The following CHD1L variants were observed in gnomAD, a reference collection of about 807,000 sequenced individuals.
CHD1L encodes chromodomain helicase DNA binding protein 1 like.
In CHD1L, 118 loss-of-function variants were observed where a neutral mutation model predicts 115.9. The observed-to-expected ratio is 1.02, with a 90% confidence interval of 0.88 to 1.19. CHD1L has a LOEUF of 1.19. Ranked by LOEUF, CHD1L falls within the 50% of genes most tolerant of loss-of-function variation. The probability of loss-of-function intolerance (pLI) is 0.00; values close to 1 mark genes in which losing one functional copy is unlikely to be tolerated. For missense variants in CHD1L, 1,179 were observed against 1,065.3 expected, an observed-to-expected ratio of 1.11 and a Z score of -1.49; for synonymous variants, 411 against 387.1, an observed-to-expected ratio of 1.06 and a Z score of -0.72.
At chr1:147,185,088 C>G in the CHD1L span, among the ~76,000 whole-genome samples, 1 of 152,044 alleles carries the variant, frequency 6.6e-6, no homozygotes, top group African/African-American at 2.4e-5. Flanking sequence ...TTATCAGTAA[C>G]AAGAGCTTTG....
the CHD1L span, among the ~76,000 whole-genome samples, chr1:147,181,499 G>T: frequency 6.6e-6 from 1 of 152,188 alleles, no homozygotes; most frequent in African/African-American, 2.4e-5. Flanking sequence ...TTAGCTGACT[G>T]TGAGGAAAGG....
At chr1:147,225,752 G>A in the CHD1L span, 1 of 152,226 alleles carries the variant, frequency 6.6e-6, no homozygotes, top group Non-Finnish European at 1.5e-5. Context: ...TGTTCAAACA[G>A]ATTGTAGCAG....
Position 147,242,810 on chromosome 1 carries a change from T to TA in CHD1L, c.108dup (p.Arg37ThrfsTer36), listed in dbSNP as rs1665143447. 6 of 1,277,956 alleles carry TA rather than the reference T, an allele frequency of 4.7e-6. No homozygotes were observed. The highest frequency in any genetic ancestry group is 2.9e-5 in the East Asian group (1 of 34,018). The allele number at this position is 1,277,956 out of a possible 1,614,324, so 79.2% of individuals were successfully genotyped here. ...GCGGCGCGGGTGCAGGAGCAGGACT[T>TA]ACGGCAGTGGGGGCTGACAGGTGAG... On this transcript the variant is annotated frameshift_variant, in exon 1 of 23. Transcript: ENST00000369258. LOFTEE classifies it high-confidence loss of function.
the CHD1L span, chr1:147,190,340 G>T: frequency 1.3e-6 from 1 of 797,120 alleles, no homozygotes; most frequent in Non-Finnish European, 2.0e-6. Flanking sequence ...AGAATTCAAA[G>T]AAATACAGGG....
the CHD1L span, among the ~76,000 whole-genome samples, chr1:147,209,377 G>T: frequency 1.3e-5 from 2 of 148,786 alleles, no homozygotes; most frequent in African/African-American, 5.0e-5. Context: ...GGCGGAGCTT[G>T]CAGTGAGCCA....
At chr1:147,190,512 A>C in the CHD1L span, among the ~76,000 whole-genome samples, 1 of 152,074 alleles carries the variant, frequency 6.6e-6, no homozygotes, top group Non-Finnish European at 1.5e-5. Context: ...TCCCTAATGT[A>C]GTCTTTCAGT....
At chr1:147,234,885 T>C in the CHD1L span, among the ~76,000 whole-genome samples, 1 of 152,316 alleles carries the variant, frequency 6.6e-6, no homozygotes, top group African/African-American at 2.4e-5. Context: ...AGCTTCAACT[T>C]ATATACTAGG....
At chr1:147,293,365 T>G (rs1686313175) in intron 20 of CHD1L, among the ~76,000 whole-genome samples, 1 of 152,168 alleles carries the variant, frequency 6.6e-6, no homozygotes, top group Admixed American at 6.5e-5. Context: ...GGACTCATTC[T>G]CTGGTTTTAA....
intron 19 of CHD1L, among the ~76,000 whole-genome samples, chr1:147,288,901 A>T (rs1003499318): frequency 1.3e-5 from 2 of 152,160 alleles, no homozygotes; most frequent in Non-Finnish European, 2.9e-5. Context: ...CTCCTTTTAC[A>T]TCCAGAAATA....
the CHD1L span, among the ~76,000 whole-genome samples, chr1:147,199,050 G>A: frequency 7.2e-5 from 11 of 151,986 alleles, no homozygotes; most frequent in Admixed American, 1.3e-4. Flanking sequence ...TGCAAAAGAC[G>A]CAATCAAAAC....
At chr1:147,233,336 G>GC in the CHD1L span, among the ~76,000 whole-genome samples, 2 of 137,814 alleles carry the variant, frequency 1.5e-5, no homozygotes, top group African/African-American at 5.5e-5. Flanking sequence ...GTGGGGATCA[G>GC]CCCCTGCCAG....
chr1:147,233,935 G>A, the CHD1L span, among the ~76,000 whole-genome samples: 5 of 152,030 alleles, frequency 3.3e-5, no homozygotes, highest in Non-Finnish European at 7.4e-5. Context: ...CTAATCTCAA[G>A]TACCCAGGGA....
chr1:147,262,995 A>G (rs1672507202), intron 6 of CHD1L, among the ~76,000 whole-genome samples: 1 of 152,156 alleles, frequency 6.6e-6, no homozygotes, highest in South Asian at 2.1e-4. Context: ...AAAAGTCAAA[A>G]TGTATATTAA....
chr1:147,267,371 T>C (rs1674339945), intron 8 of CHD1L, 55 bp from the exon 9 acceptor site: 1 of 1,369,640 alleles, frequency 7.3e-7, no homozygotes, highest in African/African-American at 1.4e-5. Flanking sequence ...TTTTGGTTTC[T>C]GTTTTGTTCA....
the CHD1L span, chr1:147,187,093 G>A: frequency 6.2e-7 from 1 of 1,614,004 alleles, no homozygotes; most frequent in Non-Finnish European, 8.5e-7. Flanking sequence ...ATAGTGGATT[G>A]GAGTGCAGGG....
chr1:147,224,892 T>C, the CHD1L span: 13 of 1,613,822 alleles, frequency 8.1e-6, no homozygotes, highest in Non-Finnish European at 1.0e-5. Flanking sequence ...GAGATGTATG[T>C]ACCTGGAACC....
At position 147,254,983 on chromosome 1, in the gene CHD1L, A is replaced by G. The variant is rs1251325658; in HGVS notation, c.347+7A>G. 1 of 1,550,332 alleles carries G rather than the reference A, an allele frequency of 6.5e-7. No homozygotes were observed. The highest frequency in any genetic ancestry group is 8.7e-7 in the Non-Finnish European group (1 of 1,149,340). On this transcript the variant is annotated splice_region_variant and intron_variant, in intron 3 of 22. Coordinates refer to ENST00000369258, the MANE Select transcript of CHD1L (RefSeq NM_004284.6). ...GGAAAGAAGAAATGCAGAGGTACAG[A>G]GTAGATGTAGCTGAAATTTTATTGT...
At chr1:147,204,951 C>T in the CHD1L span, 147 of 1,469,762 alleles carry the variant, frequency 1.0e-4, no homozygotes, top group Middle Eastern at 1.8e-4. Context: ...TGCAGGAAGC[C>T]GTTCACGTGA....
At chr1:147,194,367 T>A in the CHD1L span, among the ~76,000 whole-genome samples, 1 of 152,188 alleles carries the variant, frequency 6.6e-6, no homozygotes, top group South Asian at 2.1e-4. Flanking sequence ...TTGGTAGATC[T>A]TCCTCCATCC....
Sources: gnomAD v4.1 joint callset for allele counts (sites outside exome capture counted in the v4.1 genomes callset) on GRCh38, gnomAD v4.1.1 for gene constraint, MANE v1.5 for transcripts, NCBI Gene and HGNC (gene_info 2026-07-23, HGNC 2026-07-21) for gene names.